The following ACTA2 variants were observed in gnomAD, a reference collection of about 807,000 sequenced individuals.
ACTA2 encodes the protein actin, aortic smooth muscle.
In ACTA2, 12 loss-of-function variants were observed where a neutral mutation model predicts 39.5. That is an observed-to-expected ratio of 0.30 (90% confidence interval 0.19 to 0.49). ACTA2 has a LOEUF of 0.49. Among genes scored for constraint, ACTA2 ranks in the 20% least tolerant of loss-of-function variants. ACTA2 has a pLI of 0.99. For missense variants in ACTA2, 236 were observed against 498.8 expected (o/e 0.47, Z 5.02); for synonymous variants, 158 against 180.6 (o/e 0.88, Z 1.00).
In ACTA2 at chr10:88,978,280, G is replaced by A. The variant is rs867376267; in HGVS notation, c.-24+12659C>T. On this transcript the variant is annotated intron_variant, in intron 1 of 4. Coordinates refer to the ACTA2 transcript ENST00000415557. ...GGGGGGAGGGGGGAGGGATAGCATC[G>A]GGAGATATACCTAATGCTAGATGAC... Among the ~76,000 whole-genome samples the A allele has an allele frequency of 2.7e-3, 388 of 142,680 alleles. 3 individuals carry two copies. The highest frequency in any genetic ancestry group is 9.5e-3 in the African/African-American group (368 of 38,548). The allele number at this position is 142,680 out of a possible 152,430, so 93.6% of individuals were successfully genotyped here.
At chr10:88,988,212 T>C (rs1846965613) in intron 1 of ACTA2, among the ~76,000 whole-genome samples, 1 of 152,170 alleles carries the variant, frequency 6.6e-6, no homozygotes. Context: ...GGACAGTTTT[T>C]CTAAAGACAA....
intron 1 of ACTA2, among the ~76,000 whole-genome samples, chr10:88,967,283 G>C (rs145850511): frequency 6.6e-6 from 1 of 152,276 alleles, no homozygotes; most frequent in African/African-American, 2.4e-5. Flanking sequence ...TATGATAAAA[G>C]GCATCATCAG....
chr10:88,936,488 TCTC>T (rs1845741485), intron 8 of ACTA2, among the ~76,000 whole-genome samples: 1 of 152,158 alleles, frequency 6.6e-6, no homozygotes, highest in African/African-American at 2.4e-5. Context: ...GCTTAGGACA[TCTC>T]CTTGGTGATA....
chr10:88,983,100 G>A (rs1163770585), intron 1 of ACTA2, among the ~76,000 whole-genome samples: 1 of 152,124 alleles, frequency 6.6e-6, no homozygotes, highest in Non-Finnish European at 1.5e-5. Context: ...TCCATATTGA[G>A]GTTTGAAATG....
At chr10:88,950,076 TC>T (rs944866070) in intron 1 of ACTA2, among the ~76,000 whole-genome samples, 1 of 152,188 alleles carries the variant, frequency 6.6e-6, no homozygotes, top group African/African-American at 2.4e-5. Flanking sequence ...TCCAATGCTC[TC>T]ATTTTCACAA....
chr10:88,975,483 TCTC>T (rs1412995039), intron 1 of ACTA2, among the ~76,000 whole-genome samples: 1 of 152,132 alleles, frequency 6.6e-6, no homozygotes, highest in African/African-American at 2.4e-5. Flanking sequence ...CTTTCCCAGT[TCTC>T]CAATACGTAA....
At chr10:88,973,586 C>A in intron 1 of ACTA2, 1 of 280,236 alleles carries the variant, frequency 3.6e-6, no homozygotes, top group Middle Eastern at 9.7e-4. Flanking sequence ...CCAAAAGCAT[C>A]TTTAACATAG....
intron 6 of ACTA2, chr10:88,940,863 A>G: frequency 6.0e-6 from 2 of 335,822 alleles, no homozygotes; most frequent in Non-Finnish European, 1.2e-5. Context: ...TCACAGAGCT[A>G]CTGAGTAGCA....
upstream of ACTA2, among the ~76,000 whole-genome samples, chr10:88,953,005 A>C (rs1413033976): frequency 6.6e-6 from 1 of 152,276 alleles, no homozygotes; most frequent in Non-Finnish European, 1.5e-5. Context: ...TGTGGGAGAT[A>C]AACACGCCAA....
intron 1 of ACTA2, among the ~76,000 whole-genome samples, chr10:88,971,977 C>T (rs2133325002): frequency 6.6e-6 from 1 of 151,582 alleles, no homozygotes; most frequent in East Asian, 1.9e-4. Flanking sequence ...GGCGTGATCT[C>T]AGCTCACTGC....
chr10:88,972,742 A>G (rs916096631), intron 1 of ACTA2, among the ~76,000 whole-genome samples: 3 of 152,162 alleles, frequency 2.0e-5, no homozygotes, highest in African/African-American at 4.8e-5. Flanking sequence ...TATAATGTAT[A>G]TTATAAGCCT....
At position 88,948,959 on chromosome 10, in the gene ACTA2, G is replaced by T; in HGVS notation, c.-23-6C>A. The T allele has an allele frequency of 6.2e-7, 1 of 1,613,128 alleles. No homozygotes were observed. The highest frequency in any genetic ancestry group is 1.1e-5 in the South Asian group (1 of 91,044). Reference sequence around the variant, plus strand: ...TGGAGCTGCTTCACAGGATTCTATAGAAAACAGGGAGGAAGCAGCCTCAGC... The same window carrying T: ...TGGAGCTGCTTCACAGGATTCTATATAAAACAGGGAGGAAGCAGCCTCAGC... On this transcript the variant is annotated splice_region_variant and splice_polypyrimidine_tract_variant and intron_variant, in intron 1 of 8. Coordinates refer to ENST00000224784, the MANE Select transcript of ACTA2 (RefSeq NM_001613.4).
intron 8 of ACTA2, among the ~76,000 whole-genome samples, chr10:88,937,225 T>C (rs1327160292): frequency 6.6e-6 from 1 of 152,170 alleles, no homozygotes; most frequent in African/African-American, 2.4e-5. Context: ...CACTCTCTAG[T>C]GTTAGCTGCA....
chr10:88,953,226 AAAG>A (rs2133284056), upstream of ACTA2, among the ~76,000 whole-genome samples: 1 of 152,368 alleles, frequency 6.6e-6, no homozygotes, highest in Non-Finnish European at 1.5e-5. Flanking sequence ...GGTAGCATGC[AAAG>A]AAGAAAGATA....
chr10:88,987,647 C>T (rs181607258), intron 1 of ACTA2, among the ~76,000 whole-genome samples: 122 of 152,354 alleles, frequency 8.0e-4, no homozygotes, highest in Admixed American at 2.4e-3. Context: ...CCAAAATCTA[C>T]TCCAACTGAA....
intron 1 of ACTA2, among the ~76,000 whole-genome samples, chr10:88,950,872 A>G (rs1426473993): frequency 6.6e-6 from 1 of 152,228 alleles, no homozygotes; most frequent in African/African-American, 2.4e-5. Context: ...ATAGTGGCAG[A>G]GATACTCTAA....
intron 1 of ACTA2, among the ~76,000 whole-genome samples, chr10:88,983,703 C>G (rs924749628): frequency 7.0e-6 from 1 of 142,274 alleles, no homozygotes; most frequent in Non-Finnish European, 1.5e-5. Flanking sequence ...TTACTGATAT[C>G]TTATTTTTGT....
intron 1 of ACTA2, among the ~76,000 whole-genome samples, chr10:88,983,807 T>C (rs1252635837): frequency 6.6e-6 from 1 of 152,178 alleles, no homozygotes; most frequent in African/African-American, 2.4e-5. Context: ...AGAAAGAACT[T>C]TGATAAACCC....
chr10:88,986,259 C>T (rs1406502427), intron 1 of ACTA2, among the ~76,000 whole-genome samples: 3 of 152,232 alleles, frequency 2.0e-5, no homozygotes, highest in South Asian at 2.1e-4. Context: ...GTTCTTAACA[C>T]CCAGGGGGTA....
Sources: allele counts gnomAD v4.1 joint callset (sites outside exome capture counted in the v4.1 genomes callset), GRCh38; gene constraint gnomAD v4.1.1; transcripts MANE v1.5; gene names NCBI Gene and HGNC (gene_info 2026-07-23, HGNC 2026-07-21).